The following M1AP variants were observed in gnomAD, a reference collection of about 807,000 sequenced individuals.
M1AP encodes the protein meiosis 1 associated protein.
M1AP carries 39 observed loss-of-function variants against 51.2 expected under a neutral mutation model. The ratio of observed to expected loss-of-function variants is 0.76; its 90% CI spans 0.59 to 1.00. The LOEUF (loss-of-function observed/expected upper bound fraction) is 1.00. Ranked by LOEUF, M1AP falls within the 50% of genes least tolerant of loss-of-function variation. M1AP has a pLI of 0.00. For missense variants in M1AP, 545 were observed against 641.2 expected (o/e 0.85, Z 1.62); for synonymous variants, 251 against 249.2 (o/e 1.01, Z -0.07).
At chr2:74,630,803 A>C (rs1682662675) in intron 2 of M1AP, among the ~76,000 whole-genome samples, 1 of 152,166 alleles carries the variant, frequency 6.6e-6, no homozygotes, top group Non-Finnish European at 1.5e-5. Context: ...ACATGTGTGC[A>C]TGTATCTTTA....
At chr2:74,589,379 G>C (rs1679906986) in intron 4 of M1AP, among the ~76,000 whole-genome samples, 2 of 152,236 alleles carry the variant, frequency 1.3e-5, no homozygotes, top group South Asian at 4.1e-4. Context: ...CACTACACTT[G>C]CTTTGAAGAA....
chr2:74,573,246 G>A (rs1678858069), intron 7 of M1AP, among the ~76,000 whole-genome samples: 1 of 152,128 alleles, frequency 6.6e-6, no homozygotes, highest in Admixed American at 6.5e-5. Flanking sequence ...AGTAGAGACA[G>A]GGCTTCATCA....
intron 4 of M1AP, among the ~76,000 whole-genome samples, chr2:74,583,171 G>C (rs1432236876): frequency 1.3e-5 from 2 of 151,902 alleles, no homozygotes; most frequent in Non-Finnish European, 2.9e-5. Context: ...GTTGAACAAA[G>C]GGGACTTCAG....
intron 4 of M1AP, among the ~76,000 whole-genome samples, chr2:74,583,150 T>C (rs1348643664): frequency 1.3e-5 from 2 of 151,912 alleles, no homozygotes; most frequent in Non-Finnish European, 1.5e-5. Context: ...GCAATGCAAA[T>C]TAAATACTTA....
At chr2:74,632,624 T>C (rs1682768331) in intron 2 of M1AP, among the ~76,000 whole-genome samples, 1 of 152,202 alleles carries the variant, frequency 6.6e-6, no homozygotes, top group Non-Finnish European at 1.5e-5. Flanking sequence ...CTTCAACCAG[T>C]GCACAGTTCC....
rs1277299234 is a variant in M1AP at position 74,573,632 on chromosome 2, C to T, written c.1074+1806G>A. Among the ~76,000 whole-genome samples, 4 of 152,160 alleles carry T rather than the reference C, an allele frequency of 2.6e-5. No individual in the cohort carries two copies. The East Asian group carries it at 5.8e-4, about 22-fold the overall frequency. Reference sequence around the variant, plus strand: ...GCTCCCAAAGTGCTGGGATTACAGACGTGAGTCACCACACCAGGTTATAGT... The same window carrying T: ...GCTCCCAAAGTGCTGGGATTACAGATGTGAGTCACCACACCAGGTTATAGT... On this transcript the variant is annotated intron_variant, in intron 7 of 10. Transcript: ENST00000421985.
At chr2:74,582,664 C>T (rs1226440195) in intron 4 of M1AP, among the ~76,000 whole-genome samples, 3 of 152,202 alleles carry the variant, frequency 2.0e-5, no homozygotes, top group South Asian at 2.1e-4. Flanking sequence ...GATACTTTCC[C>T]TTTTTACTCT....
intron 2 of M1AP, among the ~76,000 whole-genome samples, chr2:74,623,533 T>C (rs895587052): frequency 3.7e-4 from 56 of 151,194 alleles, no homozygotes; most frequent in Non-Finnish European, 6.5e-4. Context: ...GAGAGAGAGT[T>C]TGAGGCATTG....
At chr2:74,559,131 C>T (rs757806575) in intron 10 of M1AP, among the ~76,000 whole-genome samples, 1 of 152,018 alleles carries the variant, frequency 6.6e-6, no homozygotes, top group Non-Finnish European at 1.5e-5. Flanking sequence ...GGTTTGGAAA[C>T]GTCCTTCTGT....
intron 3 of M1AP, among the ~76,000 whole-genome samples, chr2:74,613,528 G>A (rs1295387605): frequency 1.5e-5 from 2 of 134,634 alleles, no homozygotes; most frequent in African/African-American, 7.0e-5. Context: ...GATGGCTAGA[G>A]TGGGCTGAAG....
intron 4 of M1AP, among the ~76,000 whole-genome samples, chr2:74,586,397 G>A (rs1159654796): frequency 6.6e-6 from 1 of 152,116 alleles, no homozygotes; most frequent in African/African-American, 2.4e-5. Context: ...ACTTTTTCCT[G>A]TAACTCTTGA....
chr2:74,597,737 A>G (rs76584786), intron 4 of M1AP, among the ~76,000 whole-genome samples: 1,526 of 152,298 alleles, frequency 0.01, 32 homozygotes, highest in African/African-American at 0.034. Context: ...GTTGATTTGT[A>G]ATTGGCTGAA....
At position 74,607,084 on chromosome 2, in the gene M1AP, G is replaced by A. The variant is rs773439555; in HGVS notation, c.566C>T (p.Ala189Val). ...ATTGCTGGTATCCTCAACAGGAGAC[G>A]CTGAGTCCACGTGCTCTAGGATTCC... ...TKGILEHVDS[A>V]SPVEDTSNDE... Residue 189 changes from alanine (A) to valine (V), a missense_variant, in exon 4 of 11, where the codon GCG becomes GTG. Ala to Val is a moderately conservative substitution (Grantham distance 64). Coordinates refer to ENST00000421985, the MANE Select transcript of M1AP (RefSeq NM_001321739.2). The A allele has an allele frequency of 8.1e-6, 13 of 1,613,806 alleles. No individual in the cohort carries two copies. In the Admixed American group the frequency reaches 1.3e-4, roughly 17 times the overall value.
chr2:74,615,128 T>A lies in M1AP; in HGVS notation c.262A>T (p.Arg88Trp), dbSNP rs369840446. 6.2e-7 allele frequency: 1 copy of A among 1,614,066 alleles called. No homozygotes were observed. Among genetic ancestry groups the A allele is most frequent in the Non-Finnish European group, 8.5e-7 (1 of 1,180,012 alleles). Reference protein sequence around the residue: ...PFVQVKGNFARLQTCISELRM... With the variant: ...PFVQVKGNFAWLQTCISELRM... ...AGTTCTGAGATGCAGGTCTGCAACC[T>A]AGCAAAGTTCCCTTTCACTTGCTGC... The change falls in exon 3 of 11, where the codon AGG (arginine) becomes TGG (tryptophan). Residue 88 changes from arginine (R) to tryptophan (W), a missense_variant. By Grantham distance (101) the Arg-to-Trp change is moderately radical (BLOSUM62 -3). Transcript: ENST00000421985.
chr2:74,640,792 GA>G (rs1683254703), intron 1 of M1AP, among the ~76,000 whole-genome samples: 1 of 152,230 alleles, frequency 6.6e-6, no homozygotes, highest in African/African-American at 2.4e-5. Flanking sequence ...AAGAGATCTA[GA>G]TGTTTGCCTA....
chr2:74,603,826 TC>T (rs1396734629), intron 4 of M1AP, among the ~76,000 whole-genome samples: 1 of 151,890 alleles, frequency 6.6e-6, no homozygotes, highest in Non-Finnish European at 1.5e-5. Flanking sequence ...TAACCAACCC[TC>T]CCTCCTACCT....
At chr2:74,614,577 G>T (rs534572764) in intron 3 of M1AP, among the ~76,000 whole-genome samples, 1 of 152,226 alleles carries the variant, frequency 6.6e-6, no homozygotes, top group East Asian at 1.9e-4. Flanking sequence ...GCCAAGATTT[G>T]ATTAAAAACA....
At chr2:74,567,291 A>G (rs982140572) in intron 7 of M1AP, among the ~76,000 whole-genome samples, 11 of 152,380 alleles carry the variant, frequency 7.2e-5, no homozygotes, top group African/African-American at 2.6e-4. Flanking sequence ...AAGCTCACAG[A>G]AATACAAACC....
At chr2:74,613,210 C>T (rs1681471712) in intron 3 of M1AP, among the ~76,000 whole-genome samples, 1 of 152,252 alleles carries the variant, frequency 6.6e-6, no homozygotes, top group Non-Finnish European at 1.5e-5. Context: ...CCATTAGAGC[C>T]CTTAGCATAT....
Sources: gnomAD v4.1 joint callset for allele counts (sites outside exome capture counted in the v4.1 genomes callset) on GRCh38, gnomAD v4.1.1 for gene constraint, MANE v1.5 for transcripts, NCBI Gene and HGNC (gene_info 2026-07-23, HGNC 2026-07-21) for gene names.